The following FDFT1 variants were observed in gnomAD, a reference collection of about 807,000 sequenced individuals.
FDFT1 encodes farnesyl-diphosphate farnesyltransferase 1.
A neutral mutation model predicts 46.8 loss-of-function variants in FDFT1; 68 were observed. The observed-to-expected ratio is 1.45, with a 90% confidence interval of 1.19 to 1.78. The LOEUF is 1.78. FDFT1 is among the 40% of genes most tolerant of loss of function. The pLI is 0.00. For synonymous variants in FDFT1, 351 were observed against 185.1 expected, an observed-to-expected ratio of 1.90 and a Z score of -7.28; for missense variants, 928 against 524.4, an observed-to-expected ratio of 1.77 and a Z score of -7.52.
upstream of FDFT1, among the ~76,000 whole-genome samples, chr8:11,800,284 AAAAAAAAAG>A (rs1805984605): frequency 2.1e-5 from 3 of 143,134 alleles, no homozygotes; most frequent in Non-Finnish European, 3.1e-5. Context: ...AAAAAAAAAA[AAAAAAAAAG>A]GCGCTTGAAC....
chr8:11,834,661 A>G (rs1811296909), intron 7 of FDFT1, among the ~76,000 whole-genome samples: 1 of 152,238 alleles, frequency 6.6e-6, no homozygotes, highest in African/African-American at 2.4e-5. Flanking sequence ...TTAGATGTTC[A>G]TAGACAAGAG....
intron 5 of FDFT1, among the ~76,000 whole-genome samples, chr8:11,829,731 C>T (rs1810509793): frequency 6.6e-6 from 1 of 152,180 alleles, no homozygotes; most frequent in African/African-American, 2.4e-5. Flanking sequence ...TGCAACTGGA[C>T]ACTTACTGGT....
At chr8:11,797,300 A>G (rs1321087081), upstream of FDFT1, among the ~76,000 whole-genome samples, 2 of 152,164 alleles carry the variant, frequency 1.3e-5, no homozygotes, top group Non-Finnish European at 2.9e-5. Context: ...TCTGTTATAT[A>G]GTGTCTGGCT....
upstream of FDFT1, chr8:11,802,254 T>G (rs1252127218): frequency 1.0e-5 from 4 of 385,582 alleles, no homozygotes; most frequent in Non-Finnish European, 2.0e-5. Flanking sequence ...TTTCACGGTT[T>G]TAGGCTCTAC....
At chr8:11,830,104 C>T (rs986204871) in intron 5 of FDFT1, 140 bp from the exon 6 acceptor site, 9 of 709,830 alleles carry the variant, frequency 1.3e-5, no homozygotes, top group African/African-American at 1.1e-4. Flanking sequence ...CCTCGGCCTC[C>T]CAAAGTGCTG....
intron 1 of FDFT1, among the ~76,000 whole-genome samples, chr8:11,806,253 A>T (rs1040020717): frequency 1.3e-5 from 2 of 152,080 alleles, no homozygotes; most frequent in African/African-American, 4.8e-5. Context: ...TGAATCTCAG[A>T]CTGCAATAGA....
upstream of FDFT1, among the ~76,000 whole-genome samples, chr8:11,801,077 C>G (rs1264885419): frequency 6.6e-6 from 1 of 152,052 alleles, no homozygotes; most frequent in Non-Finnish European, 1.5e-5. Flanking sequence ...ACAGGTGGGT[C>G]TAGATGAGGT....
chr8:11,835,153 T>TATGCCGGGC (rs939830104), intron 7 of FDFT1, among the ~76,000 whole-genome samples: 2 of 152,218 alleles, frequency 1.3e-5, no homozygotes, highest in African/African-American at 4.8e-5. Flanking sequence ...GCTTCAACTT[T>TATGCCGGGC]ATGCCGGGCA....
intron 1 of FDFT1, among the ~76,000 whole-genome samples, chr8:11,807,482 A>G (rs1585869918): frequency 6.6e-6 from 1 of 152,158 alleles, no homozygotes; most frequent in Non-Finnish European, 1.5e-5. Context: ...AAATGATTCC[A>G]GTCTCTCCCA....
chr8:11,811,212 G>A (rs1021099947), intron 3 of FDFT1, among the ~76,000 whole-genome samples: 4 of 152,206 alleles, frequency 2.6e-5, no homozygotes, highest in African/African-American at 9.6e-5. Context: ...ATGACCAGAG[G>A]ATGGGTTTCC....
At chr8:11,838,077 C>T (rs780871841) in intron 7 of FDFT1, among the ~76,000 whole-genome samples, 13 of 152,182 alleles carry the variant, frequency 8.5e-5, no homozygotes, top group Non-Finnish European at 1.6e-4. Flanking sequence ...GTTTATTGGG[C>T]CTGGCACTGT....
At chr8:11,820,788 C>A (rs996672511) in intron 3 of FDFT1, among the ~76,000 whole-genome samples, 1 of 152,222 alleles carries the variant, frequency 6.6e-6, no homozygotes, top group Admixed American at 6.5e-5. Context: ...CTTTCCTTGG[C>A]TAGGAAAGGG....
chr8:11,809,262 T>A (rs1472014435), intron 2 of FDFT1: 5 of 1,122,260 alleles, frequency 4.5e-6, no homozygotes, highest in Non-Finnish European at 5.5e-6. Context: ...CTGTGCACAT[T>A]ACACCCATGA....
intron 7 of FDFT1, among the ~76,000 whole-genome samples, chr8:11,836,173 A>G (rs958172868): frequency 2.0e-5 from 3 of 149,652 alleles, no homozygotes; most frequent in South Asian, 2.1e-4. Context: ...AAAAATCTAC[A>G]ATATACCAAA....
At chr8:11,796,920 G>C (rs964065822) in intron 1 of FDFT1, among the ~76,000 whole-genome samples, 2 of 152,260 alleles carry the variant, frequency 1.3e-5, no homozygotes, top group African/African-American at 4.8e-5. Flanking sequence ...GCAGAGTAGG[G>C]CTGCTCCGCA....
chr8:11,809,915 G>T, intron 3 of FDFT1, 65 bp downstream of exon 3: 4 of 1,268,614 alleles, frequency 3.2e-6, no homozygotes, highest in African/African-American at 1.5e-5. Context: ...TGGTTGTCCG[G>T]TAGCCTCCAT....
At position 11,809,866 on chromosome 8, in the gene FDFT1, C is replaced by G. The variant is rs1807461079; in HGVS notation, c.381+16C>G. The G allele has an allele frequency of 6.2e-7, 1 of 1,600,010 alleles. No homozygotes were observed. The highest frequency in any genetic ancestry group is 1.7e-5 in the Admixed American group (1 of 59,398). On this transcript the variant is annotated intron_variant, in intron 3 of 7. Coordinates refer to ENST00000220584, the MANE Select transcript of FDFT1 (RefSeq NM_004462.5). ...CTTCCCAACGGTGAGTGGGGTTACG[C>G]ATCTTGTCTACGGACTGTTGTGTTC...
chr8:11,802,953 G>GC (rs1563291053), intron 1 of FDFT1, 22 bp downstream of exon 1: 1 of 1,580,208 alleles, frequency 6.3e-7, no homozygotes, highest in Admixed American at 1.8e-5. Context: ...CTCCCTGCTT[G>GC]CCCGGGGCGG....
At chr8:11,837,915 A>G (rs150625161) in intron 7 of FDFT1, among the ~76,000 whole-genome samples, 86 of 152,282 alleles carry the variant, frequency 5.6e-4, no homozygotes, top group African/African-American at 2.0e-3. Context: ...AGGGTGGTTC[A>G]TACGGCTCCC....
Sources: allele counts gnomAD v4.1 joint callset (sites outside exome capture counted in the v4.1 genomes callset), GRCh38; gene constraint gnomAD v4.1.1; transcripts MANE v1.5; gene names NCBI Gene and HGNC (gene_info 2026-07-23, HGNC 2026-07-21).